The following PDE4B variants were observed in gnomAD, a reference collection of about 807,000 sequenced individuals.
PDE4B encodes the protein phosphodiesterase 4B, also known as 3',5'-cyclic-AMP phosphodiesterase 4B.
A neutral mutation model predicts 82.2 loss-of-function variants in PDE4B; 20 were observed. That is an observed-to-expected ratio of 0.24 (90% CI 0.17 to 0.35). The LOEUF (loss-of-function observed/expected upper bound fraction) is 0.35, where lower values mean the gene tolerates loss of function less well. Among genes scored for constraint, PDE4B ranks in the 10% least tolerant of loss-of-function variants. PDE4B has a pLI of 1.00. For synonymous variants in PDE4B, 320 were observed against 318.9 expected (o/e 1.00, Z -0.04); for missense variants, 655 against 907.2 (o/e 0.72, Z 3.57).
chr1:66,227,778 G>T (rs1364522938), intron 3 of PDE4B, among the ~76,000 whole-genome samples: 1 of 152,142 alleles, frequency 6.6e-6, no homozygotes, highest in Admixed American at 6.6e-5. Context: ...CATTTTTATG[G>T]ATATGCCTAT....
intron 1 of PDE4B, among the ~76,000 whole-genome samples, chr1:65,797,459 A>G (rs570390406): frequency 6.6e-6 from 1 of 152,300 alleles, no homozygotes; most frequent in East Asian, 1.9e-4. Flanking sequence ...TAACACACAG[A>G]TCCTGGCCTA....
intron 3 of PDE4B, among the ~76,000 whole-genome samples, chr1:66,197,849 A>G (rs762518162): frequency 6.6e-6 from 1 of 152,220 alleles, no homozygotes; most frequent in South Asian, 2.1e-4. Context: ...AGAGAAAAAA[A>G]AGAAGACCCT....
At chr1:66,244,229 C>A (rs1653117690) in intron 3 of PDE4B, among the ~76,000 whole-genome samples, 1 of 152,048 alleles carries the variant, frequency 6.6e-6, no homozygotes, top group South Asian at 2.1e-4. Flanking sequence ...AAGATCCAAA[C>A]CTGCAGGAGA....
intron 3 of PDE4B, among the ~76,000 whole-genome samples, chr1:66,027,805 C>T (rs529580874): frequency 4.6e-5 from 7 of 152,374 alleles, no homozygotes; most frequent in South Asian, 2.1e-4. Flanking sequence ...TTATGTCTCA[C>T]ATCCAGGTCA....
intron 1 of PDE4B, among the ~76,000 whole-genome samples, chr1:65,842,332 T>A (rs893727402): frequency 1.3e-5 from 2 of 152,142 alleles, no homozygotes; most frequent in African/African-American, 4.8e-5. Context: ...AATTCATATA[T>A]GAAAGAGTTG....
intron 3 of PDE4B, among the ~76,000 whole-genome samples, chr1:66,130,057 A>C (rs1057259279): frequency 6.6e-6 from 1 of 152,198 alleles, no homozygotes; most frequent in African/African-American, 2.4e-5. Flanking sequence ...CAAAATTCCA[A>C]CTGCAGAGAT....
At chr1:66,031,800 ATAT>A (rs71703002) in intron 3 of PDE4B, among the ~76,000 whole-genome samples, 10,727 of 152,206 alleles carry the variant, frequency 0.07, 676 homozygotes, top group East Asian at 0.25. Flanking sequence ...AACAATAGAA[ATAT>A]TTTTTTTCTA....
rs1033715516 is a variant in PDE4B, at chr1:65,878,039, G to GA, written c.-70-35196dup. Among the ~76,000 whole-genome samples, 1,351 of 143,556 alleles carry GA rather than the reference G, an allele frequency of 9.4e-3. 14 individuals carry two copies. Among genetic ancestry groups the GA allele is most frequent in the African/African-American group, 0.032 (1,235 of 39,202 alleles). 94.2% of individuals were successfully genotyped at this position (143,556 alleles called of 152,430 possible). On this transcript the variant is annotated intron_variant, in intron 1 of 16. Transcript: ENST00000341517. Reference sequence around the variant, plus strand: ...ACAAGTAAAATAAACAAATTTACAAGAAAAAAAAAACAACCTATCAAAAAG... The same window carrying GA: ...ACAAGTAAAATAAACAAATTTACAAGAAAAAAAAAAACAACCTATCAAAAAG...
Position 66,075,425 on chromosome 1 carries a change from T to A in PDE4B, c.281+156590T>A, listed in dbSNP as rs977070210. ...CTTATTAAGGAAGTATCTATTTTTCTAAGTGAGATTTCCAGGTTTTATAGT... is the reference window on the plus strand; with the variant it reads ...CTTATTAAGGAAGTATCTATTTTTCAAAGTGAGATTTCCAGGTTTTATAGT... On this transcript the variant is annotated intron_variant, in intron 3 of 16. Transcript: ENST00000341517. Among the ~76,000 whole-genome samples, 20 of 152,250 alleles carry A rather than the reference T, an allele frequency of 1.3e-4. No homozygotes were observed. In the East Asian group the frequency reaches 3.9e-3, roughly 29 times the overall value.
chr1:66,199,303 C>G lies in PDE4B; in HGVS notation c.282-48157C>G, dbSNP rs1307965223. 2.0e-5 allele frequency among the ~76,000 whole-genome samples: 3 copies of G among 152,064 alleles called. No homozygotes were observed. The East Asian group carries it at 5.8e-4, about 29-fold the overall frequency. On this transcript the variant is annotated intron_variant, in intron 3 of 16. Coordinates refer to ENST00000341517, the MANE Select transcript of PDE4B (RefSeq NM_002600.4). ...TCCTGACTTTTTAATGATCGCCATT[C>G]TAACTGGTGTGAGATGGTATCTCAT...
In PDE4B at chr1:65,812,145, T is replaced by A. The variant is rs571807396; in HGVS notation, c.-71+18897T>A. Among the ~76,000 whole-genome samples, 193 of 152,338 alleles carry A rather than the reference T, an allele frequency of 1.3e-3. 1 individual carries two copies. Among genetic ancestry groups the A allele is most frequent in the African/African-American group, 4.4e-3 (185 of 41,576 alleles). Reference sequence around the variant, plus strand: ...GAGAGCAGATGAATTGACTCATCCCTGACCTCAGCCCTCAGCCTTCTGCTG... The same window carrying A: ...GAGAGCAGATGAATTGACTCATCCCAGACCTCAGCCCTCAGCCTTCTGCTG... On this transcript the variant is annotated intron_variant, in intron 1 of 16. Transcript: ENST00000341517.
At chr1:66,188,548 G>C (rs904475481) in intron 3 of PDE4B, among the ~76,000 whole-genome samples, 12 of 151,734 alleles carry the variant, frequency 7.9e-5, no homozygotes, top group African/African-American at 2.9e-4. Flanking sequence ...ATTTAGGATA[G>C]TTAGCTCTTC....
At chr1:66,228,706 A>G (rs1651679500) in intron 3 of PDE4B, among the ~76,000 whole-genome samples, 1 of 151,666 alleles carries the variant, frequency 6.6e-6, no homozygotes, top group South Asian at 2.1e-4. Flanking sequence ...AAGGGTAGAT[A>G]GTCTAAGGCC....
intron 3 of PDE4B, among the ~76,000 whole-genome samples, chr1:66,014,375 T>A (rs1652655361): frequency 6.6e-6 from 1 of 152,164 alleles, no homozygotes. Context: ...AAATCTAGTG[T>A]CATGAACCTT....
intron 3 of PDE4B, among the ~76,000 whole-genome samples, chr1:66,002,410 C>G (rs577243294): frequency 1.3e-5 from 2 of 152,066 alleles, no homozygotes; most frequent in African/African-American, 4.8e-5. Flanking sequence ...AAAAAGAAAA[C>G]TATTAAAATA....
At chr1:65,977,689 T>G (rs1279960179) in intron 3 of PDE4B, among the ~76,000 whole-genome samples, 1 of 152,238 alleles carries the variant, frequency 6.6e-6, no homozygotes, top group Non-Finnish European at 1.5e-5. Context: ...TGTTACATAT[T>G]CTAATCTTCA....
At chr1:66,316,520 T>C (rs1570679740) in intron 7 of PDE4B, among the ~76,000 whole-genome samples, 2 of 152,314 alleles carry the variant, frequency 1.3e-5, no homozygotes, top group South Asian at 2.1e-4. Context: ...GGCCAAAATA[T>C]CAGAAGTGAC....
intron 3 of PDE4B, among the ~76,000 whole-genome samples, chr1:65,961,320 G>A (rs962618822): frequency 4.6e-5 from 7 of 152,110 alleles, no homozygotes; most frequent in African/African-American, 1.7e-4. Flanking sequence ...AGAACAAAAA[G>A]TCAAAGGCCT....
At chr1:66,230,149 C>G (rs1025804518) in intron 3 of PDE4B, among the ~76,000 whole-genome samples, 1 of 152,188 alleles carries the variant, frequency 6.6e-6, no homozygotes, top group African/African-American at 2.4e-5. Flanking sequence ...TTTGCAGCCC[C>G]TGTCCTAGGC....
Sources: gnomAD v4.1 joint callset for allele counts (sites outside exome capture counted in the v4.1 genomes callset) on GRCh38, gnomAD v4.1.1 for gene constraint, MANE v1.5 for transcripts, NCBI Gene and HGNC (gene_info 2026-07-23, HGNC 2026-07-21) for gene names.